Variants in ANTXR2 observed in about 807,000 individuals in gnomAD.
ANTXR2 encodes the protein ANTXR cell adhesion molecule 2.
A neutral mutation model predicts 73.7 loss-of-function variants in ANTXR2; 44 were observed. The observed-to-expected ratio is 0.60, with a 90% CI of 0.47 to 0.77. The LOEUF (loss-of-function observed/expected upper bound fraction) is 0.77. Among genes scored for constraint, ANTXR2 ranks in the 30% least tolerant of loss-of-function variants. ANTXR2 has a pLI of 0.00. For missense variants in ANTXR2, 604 were observed against 592.5 expected (o/e 1.02, Z -0.20); for synonymous variants, 217 against 205.9 (o/e 1.05, Z -0.46).
chr4:79,903,351 TC>T lies in ANTXR2; in HGVS notation c.*4077del, dbSNP rs1726781321. 1.1e-5 allele frequency: 1 copy of T among 91,500 alleles called. No individual in the cohort carries two copies. Among genetic ancestry groups the T allele is most frequent in the African/African-American group, 3.5e-5 (1 of 28,308 alleles). 5.7% of individuals were successfully genotyped at this position (91,500 alleles called of 1,614,324 possible). A position where few individuals can be genotyped will look rare whatever the true frequency, so the allele number is the denominator to read the frequency against. ...ACATTGAGTCAATTCTCCCTCTGTT[TC>T]TCTCTCTCTCTCTCTCTCTCACACA... On this transcript the variant is annotated 3_prime_UTR_variant, in exon 17 of 17. Transcript: ENST00000403729.
At chr4:80,069,392 T>C (rs1734674583) in intron 3 of ANTXR2, 44 bp downstream of exon 3, 2 of 1,446,666 alleles carry the variant, frequency 1.4e-6, no homozygotes, top group Non-Finnish European at 1.9e-6. Context: ...GCCTTTAAAA[T>C]TCATCTCTAC....
intron 7 of ANTXR2, among the ~76,000 whole-genome samples, chr4:80,049,857 A>G (rs1201712737): frequency 1.3e-5 from 2 of 151,648 alleles, no homozygotes; most frequent in Non-Finnish European, 2.9e-5. Flanking sequence ...CCTAATACTA[A>G]CAATAATTAA....
chr4:80,065,304 T>G (rs2110119528), intron 3 of ANTXR2, among the ~76,000 whole-genome samples: 1 of 152,320 alleles, frequency 6.6e-6, no homozygotes, highest in African/African-American at 2.4e-5. Flanking sequence ...ATTTCCATAC[T>G]GAATCAACAC....
intron 3 of ANTXR2, 89 bp from the exon 4 acceptor site, chr4:80,056,102 A>G: frequency 3.6e-6 from 3 of 843,452 alleles, no homozygotes; most frequent in Non-Finnish European, 5.2e-6. Flanking sequence ...TATTGTAACT[A>G]AGCTTTCTTC....
chr4:79,913,937 GTC>G (rs1727246498), intron 16 of ANTXR2, among the ~76,000 whole-genome samples: 2 of 152,138 alleles, frequency 1.3e-5, no homozygotes, highest in South Asian at 4.1e-4. Flanking sequence ...ATAACTAATA[GTC>G]CAGATATTTT....
At chr4:79,915,365 A>G (rs1359093864) in intron 16 of ANTXR2, among the ~76,000 whole-genome samples, 1 of 152,048 alleles carries the variant, frequency 6.6e-6, no homozygotes, top group Non-Finnish European at 1.5e-5. Flanking sequence ...CATGTCTCCC[A>G]TCTCTTGAGC....
chr4:79,920,692 A>G (rs1056268469), intron 16 of ANTXR2, among the ~76,000 whole-genome samples: 2 of 152,154 alleles, frequency 1.3e-5, no homozygotes, highest in Admixed American at 6.6e-5. Context: ...AGATGTGGTC[A>G]AACAGAAGGC....
intron 9 of ANTXR2, among the ~76,000 whole-genome samples, chr4:80,031,902 G>A (rs1367439265): frequency 1.3e-5 from 2 of 151,616 alleles, no homozygotes; most frequent in Non-Finnish European, 3.0e-5. Flanking sequence ...TAAATCATAA[G>A]TTAGGATTAT....
intron 16 of ANTXR2, among the ~76,000 whole-genome samples, chr4:79,957,851 G>A (rs182337568): frequency 1.1e-3 from 167 of 152,128 alleles, no homozygotes; most frequent in African/African-American, 3.6e-3. Context: ...GAACAGCAAC[G>A]CAGGGAGGAA....
chr4:79,936,189 C>G (rs1042326141), intron 16 of ANTXR2, among the ~76,000 whole-genome samples: 4 of 152,160 alleles, frequency 2.6e-5, no homozygotes, highest in Non-Finnish European at 5.9e-5. Context: ...TAAAAGGGTT[C>G]AGATGTTTTA....
At chr4:80,061,504 T>C (rs1229890889) in intron 3 of ANTXR2, among the ~76,000 whole-genome samples, 1 of 151,968 alleles carries the variant, frequency 6.6e-6, no homozygotes, top group Non-Finnish European at 1.5e-5. Context: ...AAACAGTAAT[T>C]CCAAAACAAA....
intron 10 of ANTXR2, among the ~76,000 whole-genome samples, chr4:80,030,130 G>A (rs1463804991): frequency 6.6e-6 from 1 of 152,036 alleles, no homozygotes; most frequent in Non-Finnish European, 1.5e-5. Context: ...AGCAGTATAG[G>A]TAGAAAGCAG....
At chr4:80,035,946 G>C in intron 8 of ANTXR2, 26 bp downstream of exon 8, 2 of 1,499,884 alleles carry the variant, frequency 1.3e-6, no homozygotes, top group African/African-American at 2.8e-5. Context: ...TTTCTTACAT[G>C]GTATTTTTAA....
intron 13 of ANTXR2, among the ~76,000 whole-genome samples, chr4:79,984,397 A>C (rs903806531): frequency 6.6e-6 from 1 of 152,232 alleles, no homozygotes; most frequent in Non-Finnish European, 1.5e-5. Flanking sequence ...CTTTGAAAAT[A>C]TACAACACCA....
chr4:79,937,023 T>C (rs1449883630), intron 16 of ANTXR2, among the ~76,000 whole-genome samples: 1 of 151,402 alleles, frequency 6.6e-6, no homozygotes, highest in African/African-American at 2.4e-5. Context: ...CATTTTAATC[T>C]TTGTTGCAAA....
Position 80,071,593 on chromosome 4 carries a change from T to A in ANTXR2, c.214A>T (p.Arg72Ter). ...IYNFVQQLAERFVSPEMRLSF... is the reference protein window; with the variant it reads ...IYNFVQQLAE ...AAGTAAGAAAGATACCTCACAAATC[T>A]CTCCGCAAGTTGCTGTACGAAATTA... Residue 72 changes from arginine (R) to a stop codon, truncating the protein, a stop_gained, in exon 2 of 17, where the codon AGA becomes TGA. Transcript: ENST00000403729. LOFTEE classifies it high-confidence loss of function. 1 of 1,611,646 alleles carries A rather than the reference T, an allele frequency of 6.2e-7. No individual in the cohort carries two copies. The highest frequency in any genetic ancestry group is 8.5e-7 in the Non-Finnish European group (1 of 1,177,840).
At chr4:80,068,242 T>C (rs1481052446) in intron 3 of ANTXR2, among the ~76,000 whole-genome samples, 1 of 152,192 alleles carries the variant, frequency 6.6e-6, no homozygotes, top group Admixed American at 6.5e-5. Context: ...CAAAAAACTG[T>C]TTTTACAGTT....
chr4:79,975,571 C>G (rs1729590023), intron 16 of ANTXR2, among the ~76,000 whole-genome samples: 1 of 152,132 alleles, frequency 6.6e-6, no homozygotes, highest in South Asian at 2.1e-4. Context: ...AATGTTAGCT[C>G]AATACCCAGC....
chr4:80,065,963 C>A (rs563495658), intron 3 of ANTXR2, among the ~76,000 whole-genome samples: 1 of 152,156 alleles, frequency 6.6e-6, no homozygotes, highest in South Asian at 2.1e-4. Context: ...ATTCCAATTT[C>A]TAGGCTTTGA....
Sources: allele counts gnomAD v4.1 joint callset (sites outside exome capture counted in the v4.1 genomes callset), GRCh38; gene constraint gnomAD v4.1.1; transcripts MANE v1.5; gene names NCBI Gene and HGNC (gene_info 2026-07-23, HGNC 2026-07-21).